The following SEMA6D variants were observed in gnomAD, a reference collection of about 807,000 sequenced individuals.
The protein encoded by SEMA6D is semaphorin 6D.
Under a neutral mutation model 106.6 loss-of-function variants are expected in SEMA6D, and 35 were observed. The observed-to-expected ratio is 0.33, with a 90% confidence interval of 0.25 to 0.44. SEMA6D has a LOEUF of 0.44. Among genes scored for constraint, SEMA6D ranks in the 20% least tolerant of loss-of-function variants. The pLI is 1.00. For synonymous variants in SEMA6D, 499 were observed against 487.7 expected, an observed-to-expected ratio of 1.02 and a Z score of -0.31; for missense variants, 1,185 against 1,345.9, an observed-to-expected ratio of 0.88 and a Z score of 1.87.
chr15:47,217,566 G>GGTGTGT (rs146342466), intron 1 of SEMA6D, among the ~76,000 whole-genome samples: 5,627 of 145,834 alleles, frequency 0.039, 294 homozygotes, highest in African/African-American at 0.12. Context: ...CGCGTGCACG[G>GGTGTGT]GTGTGTGTGT....
At chr15:47,518,776 T>A (rs1016426213) in intron 3 of SEMA6D, among the ~76,000 whole-genome samples, 1 of 152,298 alleles carries the variant, frequency 6.6e-6, no homozygotes, top group African/African-American at 2.4e-5. Context: ...CCTCCTTATC[T>A]TGTCCCACTG....
chr15:47,209,377 G>T (rs1217397491), intron 1 of SEMA6D, among the ~76,000 whole-genome samples: 1 of 152,094 alleles, frequency 6.6e-6, no homozygotes, highest in Non-Finnish European at 1.5e-5. Context: ...TATTCCATGG[G>T]ATCAACATTT....
chr15:47,376,684 A>C (rs1208081149), intron 1 of SEMA6D, among the ~76,000 whole-genome samples: 1 of 152,202 alleles, frequency 6.6e-6, no homozygotes, highest in African/African-American at 2.4e-5. Context: ...GCTGGGGAGC[A>C]CTGGCTCTTT....
chr15:47,300,589 T>C (rs771720930), intron 1 of SEMA6D, among the ~76,000 whole-genome samples: 88 of 152,310 alleles, frequency 5.8e-4, no homozygotes, highest in Non-Finnish European at 9.3e-4. Flanking sequence ...ACAGACAGAT[T>C]TGACATTTTA....
intron 3 of SEMA6D, among the ~76,000 whole-genome samples, chr15:47,493,010 C>T (rs1380552310): frequency 6.6e-6 from 1 of 152,148 alleles, no homozygotes; most frequent in Non-Finnish European, 1.5e-5. Context: ...CTTACTCCTG[C>T]ATCCAACCCA....
intron 4 of SEMA6D, among the ~76,000 whole-genome samples, chr15:47,630,675 C>A (rs530507710): frequency 6.6e-6 from 1 of 151,666 alleles, no homozygotes; most frequent in African/African-American, 2.4e-5. Context: ...TTTGTTCTGA[C>A]CCCTGGAAGA....
intron 1 of SEMA6D, among the ~76,000 whole-genome samples, chr15:47,245,412 A>G (rs777780007): frequency 6.6e-6 from 1 of 152,116 alleles, no homozygotes; most frequent in Non-Finnish European, 1.5e-5. Context: ...AAGGCACTGG[A>G]GGAGATGGTC....
At chr15:47,211,866 A>G (rs910606022) in intron 1 of SEMA6D, among the ~76,000 whole-genome samples, 8 of 152,110 alleles carry the variant, frequency 5.3e-5, no homozygotes, top group East Asian at 1.9e-4. Context: ...ATCATTATTG[A>G]TTATTTAATA....
At chr15:47,198,011 A>G (rs564285673) in intron 1 of SEMA6D, among the ~76,000 whole-genome samples, 26 of 152,288 alleles carry the variant, frequency 1.7e-4, no homozygotes, top group African/African-American at 6.0e-4. Flanking sequence ...TGACACATGT[A>G]ACATAATGCC....
intron 1 of SEMA6D, among the ~76,000 whole-genome samples, chr15:47,303,512 C>T (rs2036104858): frequency 6.6e-6 from 1 of 152,190 alleles, no homozygotes; most frequent in Non-Finnish European, 1.5e-5. Flanking sequence ...TCTTGTTTTG[C>T]CTTCCTCTGT....
chr15:47,232,526 G>GGTGT (rs60261871), intron 1 of SEMA6D, among the ~76,000 whole-genome samples: 63 of 148,140 alleles, frequency 4.3e-4, no homozygotes, highest in African/African-American at 1.5e-3. Flanking sequence ...ATGGGGGGAG[G>GGTGT]GTGTGTGTGT....
intron 4 of SEMA6D, among the ~76,000 whole-genome samples, chr15:47,650,563 A>C (rs2077668122): frequency 6.6e-6 from 1 of 152,222 alleles, no homozygotes; most frequent in East Asian, 1.9e-4. Context: ...GGTACAATGA[A>C]TTTATATAGT....
Position 47,766,604 on chromosome 15 carries a change from C to T in SEMA6D, c.1647-12C>T. The T allele has an allele frequency of 1.2e-6, 2 of 1,611,972 alleles. No homozygotes were observed. The highest frequency in any genetic ancestry group is 1.7e-6 in the Non-Finnish European group (2 of 1,178,814). The stretch of plus-strand genomic sequence containing the variant: ...TGTTAACCGAAGACTTCTTTGCTTT[C>T]CATAACCACAGTGCTGAAGGATATG... On this transcript the variant is annotated splice_polypyrimidine_tract_variant and intron_variant, in intron 15 of 18. Transcript: ENST00000536845.
intron 2 of SEMA6D, among the ~76,000 whole-genome samples, chr15:47,463,952 C>T (rs1596063222): frequency 6.6e-6 from 1 of 152,128 alleles, no homozygotes; most frequent in African/African-American, 2.4e-5. Context: ...TCTTCTCTTT[C>T]GTTTATCTGT....
At chr15:47,602,894 G>C (rs528002972) in intron 4 of SEMA6D, among the ~76,000 whole-genome samples, 1 of 152,168 alleles carries the variant, frequency 6.6e-6, no homozygotes, top group East Asian at 1.9e-4. Context: ...ACATCACTAA[G>C]AATTACAGAG....
intron 1 of SEMA6D, among the ~76,000 whole-genome samples, chr15:47,235,486 T>A (rs1274518680): frequency 6.6e-6 from 1 of 152,048 alleles, no homozygotes; most frequent in Non-Finnish European, 1.5e-5. Flanking sequence ...TTGATCCATT[T>A]TCAGTTGATT....
In SEMA6D at chr15:47,264,947, A is replaced by C. The variant is rs554993795; in HGVS notation, c.-239+80529A>C. 2.0e-5 allele frequency among the ~76,000 whole-genome samples: 3 copies of C among 152,170 alleles called. No individual in the cohort carries two copies. In the South Asian group the frequency reaches 6.2e-4, roughly 32 times the overall value. ...TTTTTGGGAGTTAACACAGCTTTGAATTCATGGGATAAATCTCATTTGATC... is the reference window on the plus strand; with the variant it reads ...TTTTTGGGAGTTAACACAGCTTTGACTTCATGGGATAAATCTCATTTGATC... On this transcript the variant is annotated intron_variant, in intron 1 of 19. Transcript: ENST00000558014.
At chr15:47,712,614 G>T (rs1217747789), upstream of SEMA6D, among the ~76,000 whole-genome samples, 1 of 152,152 alleles carries the variant, frequency 6.6e-6, no homozygotes, top group Non-Finnish European at 1.5e-5. Flanking sequence ...AGGTGGGGAG[G>T]TTTGTTTTTA....
chr15:47,546,703 C>T (rs573954929), intron 3 of SEMA6D, among the ~76,000 whole-genome samples: 1 of 151,770 alleles, frequency 6.6e-6, no homozygotes, highest in East Asian at 1.9e-4. Context: ...GAGAAACCCA[C>T]CATGGTGGGG....
Sources: gnomAD v4.1 joint callset for allele counts (sites outside exome capture counted in the v4.1 genomes callset) on GRCh38, gnomAD v4.1.1 for gene constraint, MANE v1.5 for transcripts, NCBI Gene and HGNC (gene_info 2026-07-23, HGNC 2026-07-21) for gene names.